B3GNT5: variants seen among roughly 807,000 people sequenced by gnomAD.
B3GNT5 encodes the protein lactosylceramide 1,3-N-acetyl-beta-D-glucosaminyltransferase.
Under a neutral mutation model 25.9 loss-of-function variants are expected in B3GNT5, and 11 were observed. The ratio of observed to expected loss-of-function variants is 0.42; its 90% confidence interval spans 0.27 to 0.70. The LOEUF (loss-of-function observed/expected upper bound fraction) is 0.70. B3GNT5 is among the 30% of genes least tolerant of loss of function. The probability of loss-of-function intolerance (pLI) is 0.23; values close to 1 mark genes in which losing one functional copy is unlikely to be tolerated. For synonymous variants in B3GNT5, 166 were observed against 158.6 expected (o/e 1.05, Z -0.35); for missense variants, 385 against 458.4 (o/e 0.84, Z 1.46).
chr3:183,267,286 G>A lies in B3GNT5; in HGVS notation c.-301-2212G>A, dbSNP rs1156302731. On this transcript the variant is annotated intron_variant, in intron 1 of 1. Coordinates refer to ENST00000326505, the MANE Select transcript of B3GNT5 (RefSeq NM_032047.5). The surrounding 1 kb of genome is among the most constrained non-coding windows in gnomAD (Gnocchi z 5.5). ...TCAAATCAATGCCCTTGGCGATAAAGTGTGCCCTATACTGATTATCTCTGG... is the reference window on the plus strand; with the variant it reads ...TCAAATCAATGCCCTTGGCGATAAAATGTGCCCTATACTGATTATCTCTGG... 6.6e-6 allele frequency among the ~76,000 whole-genome samples: 1 copy of A among 152,194 alleles called. No individual in the cohort carries two copies. The highest frequency in any genetic ancestry group is 2.4e-5 in the African/African-American group (1 of 41,444).
intron 1 of B3GNT5, among the ~76,000 whole-genome samples, chr3:183,254,988 G>T (rs1255738915): frequency 6.6e-6 from 1 of 152,228 alleles, no homozygotes; most frequent in Non-Finnish European, 1.5e-5. Flanking sequence ...TTCTTGGCCG[G>T]TGTTGGTTTT....
At chr3:183,266,797 T>C (rs1726177532) in intron 1 of B3GNT5, among the ~76,000 whole-genome samples, 3 of 152,054 alleles carry the variant, frequency 2.0e-5, no homozygotes, top group Admixed American at 2.0e-4. Flanking sequence ...AGTCTTTTTT[T>C]TTTTTTTGAG....
chr3:183,270,654 A>C lies in B3GNT5; in HGVS notation c.856A>C (p.Met286Leu), dbSNP rs1403599141. 1.9e-6 allele frequency: 3 copies of C among 1,614,184 alleles called. No homozygotes were observed. In the Admixed American group the frequency reaches 5.0e-5, roughly 27 times the overall value. ...AAGTCTTTACATAGACGATGTGTTCATGGGCCTCTGTGCCAATAAAATAGG... is the reference window on the plus strand; with the variant it reads ...AAGTCTTTACATAGACGATGTGTTCCTGGGCCTCTGTGCCAATAAAATAGG... ...NSSLYIDDVF[M>L]GLCANKIGIV... The change falls in exon 2 of 2, where the codon ATG (methionine) becomes CTG (leucine). Residue 286 changes from methionine to leucine, a missense_variant. Physicochemically the swap from Met to Leu is conservative, Grantham distance 15. Transcript: ENST00000326505. This position sits in a 1 kb window ranked among gnomAD's most constrained non-coding sequence, Gnocchi z 4.5.
Position 183,270,954 on chromosome 3 carries a change from T to C in B3GNT5, c.*19T>C. On this transcript the variant is annotated 3_prime_UTR_variant, in exon 2 of 2. Transcript: ENST00000326505. This position sits in a 1 kb window ranked among gnomAD's most constrained non-coding sequence, Gnocchi z 4.5. ...TATCTAATAGTACTTGAATGTTGTATGTTTTCACTGTCACTGAGTCAAACC... is the reference window on the plus strand; with the variant it reads ...TATCTAATAGTACTTGAATGTTGTACGTTTTCACTGTCACTGAGTCAAACC... 1 of 1,534,004 alleles carries C rather than the reference T, an allele frequency of 6.5e-7. No individual in the cohort carries two copies. Among genetic ancestry groups the C allele is most frequent in the Non-Finnish European group, 8.7e-7 (1 of 1,143,598 alleles).
chr3:183,259,119 A>C (rs1386532351), intron 1 of B3GNT5, among the ~76,000 whole-genome samples: 2 of 152,202 alleles, frequency 1.3e-5, no homozygotes, highest in Non-Finnish European at 2.9e-5. Flanking sequence ...ATGGGTTTCT[A>C]ATAACAGATT....
chr3:183,256,891 G>A (rs1201706363), intron 1 of B3GNT5, among the ~76,000 whole-genome samples: 3 of 152,100 alleles, frequency 2.0e-5, no homozygotes, highest in Non-Finnish European at 4.4e-5. Flanking sequence ...ACATGAGAAG[G>A]ACCATATTCA....
chr3:183,265,218 A>C (rs894108085), intron 1 of B3GNT5: 2 of 152,232 alleles, frequency 1.3e-5, no homozygotes, highest in African/African-American at 4.8e-5. Flanking sequence ...TTACACAATA[A>C]ATCTGGCCCC....
At chr3:183,255,807 TAA>T (rs543086878) in intron 1 of B3GNT5, among the ~76,000 whole-genome samples, 37 of 134,288 alleles carry the variant, frequency 2.8e-4, no homozygotes, top group Admixed American at 4.5e-4. Context: ...GGTGAGATTG[TAA>T]AAAAAAAAAA....
At chr3:183,262,802 G>A (rs1264780644) in intron 1 of B3GNT5, among the ~76,000 whole-genome samples, 1 of 152,116 alleles carries the variant, frequency 6.6e-6, no homozygotes, top group South Asian at 2.1e-4. Context: ...ACAAGTTCAG[G>A]AACAGTCACG....
rs917114587 is a variant in B3GNT5, at chr3:183,256,064, G to A, written c.-302+2592G>A. Among the ~76,000 whole-genome samples, 4 of 152,310 alleles carry A rather than the reference G, an allele frequency of 2.6e-5. No homozygotes were observed. The East Asian group carries it at 7.7e-4, about 29-fold the overall frequency. ...CAGAGGGAAATTGTCTCTTCTCAGA[G>A]TAACAAAATGTCCCCTATTCAGGGG... On this transcript the variant is annotated intron_variant, in intron 1 of 1. Transcript: ENST00000326505.
rs781516085 is a variant in B3GNT5, at chr3:183,270,236, G to A, written c.438G>A (p.Leu146=). 15 of 1,613,990 alleles carry A rather than the reference G, an allele frequency of 9.3e-6. No homozygotes were observed. In the Admixed American group the frequency reaches 1.2e-4, roughly 13 times the overall value. ...AGGGAGAAGAACTACAAAGAAAACT[G>A]GCTTGGGAAGATCAAAGGTACAATG... ...PLEGEELQRK[L]AWEDQRYNDI... The change falls in exon 2 of 2, where the codon CTG becomes CTA. Residue 146 remains leucine, a synonymous_variant. Coordinates refer to ENST00000326505, the MANE Select transcript of B3GNT5 (RefSeq NM_032047.5). The surrounding 1 kb of genome is among the most constrained non-coding windows in gnomAD (Gnocchi z 4.5).
chr3:183,258,646 C>CA (rs1394386948), intron 1 of B3GNT5, among the ~76,000 whole-genome samples: 1 of 152,196 alleles, frequency 6.6e-6, no homozygotes, highest in Non-Finnish European at 1.5e-5. Context: ...ACACCACCCC[C>CA]CCGCCCCTGA....
Position 183,270,847 on chromosome 3 carries a change from G to A in B3GNT5, c.1049G>A (p.Gly350Asp). Residue 350 changes from glycine (G) to aspartate (D), a missense_variant, in exon 2 of 2, where the codon GGT becomes GAT. By Grantham distance (94) the Gly-to-Asp change is moderately conservative. Coordinates refer to ENST00000326505, the MANE Select transcript of B3GNT5 (RefSeq NM_032047.5). This position sits in a 1 kb window ranked among gnomAD's most constrained non-coding sequence, Gnocchi z 4.5. Reference sequence around the variant, plus strand: ...AAAACCATTTCCAAAGGTTTTTTTGGTCAAATATACTGCAGATTAATGAAG... The same window carrying A: ...AAAACCATTTCCAAAGGTTTTTTTGATCAAATATACTGCAGATTAATGAAG... ...KVKTISKGFFGQIYCRLMKII... is the reference protein window; with the variant it reads ...KVKTISKGFFDQIYCRLMKII... 6.2e-7 allele frequency: 1 copy of A among 1,613,552 alleles called. No homozygotes were observed.
chr3:183,260,137 C>G (rs1030840019), intron 1 of B3GNT5, among the ~76,000 whole-genome samples: 1 of 151,918 alleles, frequency 6.6e-6, no homozygotes, highest in Non-Finnish European at 1.5e-5. Flanking sequence ...GCCACAGGGT[C>G]TGGAATTTGT....
At chr3:183,269,229 G>GATTTTTTTTTTTTTTTTTTT (rs1305607255) in intron 1 of B3GNT5, among the ~76,000 whole-genome samples, 1 of 77,022 alleles carries the variant, frequency 1.3e-5, no homozygotes, top group East Asian at 7.6e-4. Flanking sequence ...CGTTTGGGAA[G>GATTTTTTTTTTTTTTTTTTT]CTTTTTTTTT....
At chr3:183,268,342 G>A (rs909714316) in intron 1 of B3GNT5, among the ~76,000 whole-genome samples, 4 of 152,222 alleles carry the variant, frequency 2.6e-5, no homozygotes, top group African/African-American at 7.2e-5. Context: ...TTGTCTCGTG[G>A]TTAAATCCAA....
chr3:183,265,570 G>A (rs1415802437), intron 1 of B3GNT5: 1 of 152,284 alleles, frequency 6.6e-6, no homozygotes. Flanking sequence ...CAACAGTGTT[G>A]ACTTGTAATT....
intron 1 of B3GNT5, among the ~76,000 whole-genome samples, chr3:183,262,046 AAGGAATG>A (rs2108420702): frequency 6.7e-6 from 1 of 148,160 alleles, no homozygotes; most frequent in African/African-American, 2.5e-5. Context: ...AAAAGATATA[AAGGAATG>A]AGGAATGCAT....
chr3:183,260,903 A>G (rs1290332422), intron 1 of B3GNT5, among the ~76,000 whole-genome samples: 1 of 152,230 alleles, frequency 6.6e-6, no homozygotes, highest in South Asian at 2.1e-4. Context: ...AAGAATTCCA[A>G]ATGGCTTCTA....
Sources: allele counts gnomAD v4.1 joint callset (sites outside exome capture counted in the v4.1 genomes callset), GRCh38; gene constraint gnomAD v4.1.1; non-coding constraint Gnocchi (gnomAD v3.1); transcripts MANE v1.5; gene names NCBI Gene and HGNC (gene_info 2026-07-23, HGNC 2026-07-21).